Variants in BLTP2 observed in about 807,000 individuals in gnomAD.
BLTP2 encodes bridge-like lipid transfer protein family member 2, also known as U937-associated antigen.
the BLTP2 span, chr17:28,644,100 G>A: frequency 1.9e-6 from 3 of 1,614,218 alleles, no homozygotes; most frequent in South Asian, 2.2e-5. Context: ...TGACATTCTG[G>A]ATCCAAAAAA....
At chr17:28,624,448 C>G in the BLTP2 span, 2 of 1,481,476 alleles carry the variant, frequency 1.3e-6, no homozygotes, top group Non-Finnish European at 1.8e-6. Context: ...AGACTTTTCC[C>G]TTTCCAGAGC....
chr17:28,640,580 C>A, the BLTP2 span: 1 of 1,614,098 alleles, frequency 6.2e-7, no homozygotes, highest in South Asian at 1.1e-5. Flanking sequence ...TATTCATGGA[C>A]AATACCACGC....
At chr17:28,635,817 A>G in the BLTP2 span, 3 of 522,892 alleles carry the variant, frequency 5.7e-6, no homozygotes, top group Non-Finnish European at 1.0e-5. Flanking sequence ...ATTTAAGAGC[A>G]CTTATACTTT....
chr17:28,615,823 GA>G, the BLTP2 span: 7 of 1,598,324 alleles, frequency 4.4e-6, no homozygotes, highest in East Asian at 6.7e-5. Flanking sequence ...GGAGGGGAAA[GA>G]AAAAAAGAGG....
At chr17:28,616,261 A>T in the BLTP2 span, 1 of 1,597,292 alleles carries the variant, frequency 6.3e-7, no homozygotes, top group Non-Finnish European at 8.6e-7. The surrounding 1 kb of genome is among the most constrained non-coding windows in gnomAD (Gnocchi z 4.8). Flanking sequence ...GACCCCAAAC[A>T]TCTCCCTCTT....
the BLTP2 span, among the ~76,000 whole-genome samples, chr17:28,636,252 C>T: frequency 6.6e-6 from 1 of 152,136 alleles, no homozygotes; most frequent in Non-Finnish European, 1.5e-5. Flanking sequence ...TTCCAAAGGA[C>T]GGTGAAGTCT....
the BLTP2 span, chr17:28,619,084 G>A: frequency 1.3e-6 from 1 of 750,946 alleles, no homozygotes; most frequent in African/African-American, 1.8e-5. Flanking sequence ...AACCTATTCT[G>A]GGTTAGCCAG....
chr17:28,616,765 A>G, the BLTP2 span: 31 of 1,613,894 alleles, frequency 1.9e-5, 1 homozygote, highest in South Asian at 2.7e-4. The surrounding 1 kb of genome is among the most constrained non-coding windows in gnomAD (Gnocchi z 4.8). Flanking sequence ...TAAAAAGGAA[A>G]AAGATTCAAG....
chr17:28,638,305 G>T, the BLTP2 span: 5 of 1,613,582 alleles, frequency 3.1e-6, no homozygotes, highest in South Asian at 5.5e-5. Context: ...TGCATATTGG[G>T]TGGGTGTGGC....
the BLTP2 span, chr17:28,632,311 T>C: frequency 7.1e-7 from 1 of 1,407,432 alleles, no homozygotes; most frequent in Non-Finnish European, 9.7e-7. Context: ...CTTCCCTTGC[T>C]GCAGGTTGTA....
chr17:28,641,638 C>G, the BLTP2 span, among the ~76,000 whole-genome samples: 5 of 146,900 alleles, frequency 3.4e-5, no homozygotes, highest in Non-Finnish European at 6.0e-5. Context: ...AAGACTCCAT[C>G]TTTTTTTTTA....
At chr17:28,631,732 G>GT in the BLTP2 span, 1 of 1,605,416 alleles carries the variant, frequency 6.2e-7, no homozygotes, top group Non-Finnish European at 8.5e-7. Flanking sequence ...AGAGGATAGT[G>GT]TAAGACAGAG....
chr17:28,614,602 C>T, the BLTP2 span: 1 of 159,246 alleles, frequency 6.3e-6, no homozygotes. Flanking sequence ...GGTTGACCCC[C>T]ACTCCAGAAC....
the BLTP2 span, chr17:28,638,072 C>T: frequency 1.7e-5 from 27 of 1,614,084 alleles, no homozygotes; most frequent in Non-Finnish European, 2.2e-5. Flanking sequence ...GCTGGACAGG[C>T]CCAGAGGCTG....
At chr17:28,644,085 A>G in the BLTP2 span, 1 of 1,614,252 alleles carries the variant, frequency 6.2e-7, no homozygotes, top group African/African-American at 1.3e-5. Flanking sequence ...GCTGAAACTT[A>G]AGACTGACAT....
chr17:28,639,864 C>T, the BLTP2 span: 1 of 1,611,960 alleles, frequency 6.2e-7, no homozygotes, highest in Non-Finnish European at 8.5e-7. Flanking sequence ...TCTAGTCCTC[C>T]CATTCTCGCT....
the BLTP2 span, chr17:28,639,933 A>G: frequency 1.2e-6 from 2 of 1,614,060 alleles, no homozygotes; most frequent in Non-Finnish European, 1.7e-6. Flanking sequence ...CATCTGTGCC[A>G]TATCAGAGTT....
At chr17:28,643,647 G>A in the BLTP2 span, 1 of 1,613,938 alleles carries the variant, frequency 6.2e-7, no homozygotes, top group South Asian at 1.1e-5. Flanking sequence ...GAAATCCACA[G>A]GTTATCAATT....
the BLTP2 span, chr17:28,642,629 C>T: frequency 1.8e-6 from 1 of 555,806 alleles, no homozygotes; most frequent in Admixed American, 3.1e-5. Flanking sequence ...CCAGCCTAGG[C>T]AACAGAGCAA....
Sources: gnomAD v4.1 joint callset for allele counts (sites outside exome capture counted in the v4.1 genomes callset) on GRCh38, gnomAD v4.1.1 for gene constraint, Gnocchi (gnomAD v3.1) non-coding constraint, MANE v1.5 for transcripts, NCBI Gene and HGNC (gene_info 2026-07-23, HGNC 2026-07-21) for gene names.